Variants in RIT2 observed in about 807,000 individuals in gnomAD.
RIT2 encodes the protein GTP-binding protein Rit2.
Under a neutral mutation model 23.7 loss-of-function variants are expected in RIT2, and 24 were observed. The ratio of observed to expected loss-of-function variants is 1.01; its 90% CI spans 0.73 to 1.43. The LOEUF (loss-of-function observed/expected upper bound fraction) is 1.43, where lower values mean the gene tolerates loss of function less well. Among genes scored for constraint, RIT2 ranks in the 40% most tolerant of loss-of-function variants. The pLI is 0.00. For missense variants in RIT2, 236 were observed against 266.9 expected, an observed-to-expected ratio of 0.88 and a Z score of 0.81; for synonymous variants, 107 against 91.1, an observed-to-expected ratio of 1.17 and a Z score of -0.99.
intron 1 of RIT2, among the ~76,000 whole-genome samples, chr18:43,048,920 G>A (rs913751047): frequency 2.6e-5 from 4 of 152,126 alleles, no homozygotes; most frequent in African/African-American, 4.8e-5. Context: ...TGAATTAGTA[G>A]AGAAGAGAAT....
At chr18:42,933,484 C>T (rs991302540) in intron 3 of RIT2, among the ~76,000 whole-genome samples, 4 of 152,080 alleles carry the variant, frequency 2.6e-5, no homozygotes, top group Non-Finnish European at 5.9e-5. Flanking sequence ...TGGAAGGGAC[C>T]TGGTGAGAGT....
At chr18:42,813,027 T>C (rs1289834152) in intron 4 of RIT2, among the ~76,000 whole-genome samples, 1 of 152,208 alleles carries the variant, frequency 6.6e-6, no homozygotes. Context: ...AAAGTTAGGT[T>C]CATGTTAGTA....
chr18:42,936,537 A>T (rs147662962), intron 3 of RIT2, among the ~76,000 whole-genome samples: 2 of 152,290 alleles, frequency 1.3e-5, no homozygotes, highest in East Asian at 3.9e-4. Flanking sequence ...AAGAAACAGA[A>T]ACATTACACA....
At chr18:43,058,829 C>T (rs1321795217) in intron 1 of RIT2, among the ~76,000 whole-genome samples, 6 of 152,046 alleles carry the variant, frequency 3.9e-5, no homozygotes, top group Admixed American at 3.3e-4. Context: ...GTCGAGACTG[C>T]AGTGAGTTGT....
chr18:43,089,671 G>A (rs941652554), intron 1 of RIT2, among the ~76,000 whole-genome samples: 2 of 151,930 alleles, frequency 1.3e-5, no homozygotes, highest in East Asian at 3.9e-4. Flanking sequence ...AAACAGATTG[G>A]CACTGGTACA....
chr18:42,857,938 T>C (rs937829855), intron 4 of RIT2, among the ~76,000 whole-genome samples: 18 of 152,102 alleles, frequency 1.2e-4, no homozygotes, highest in African/African-American at 4.3e-4. Flanking sequence ...CCCAGCACTT[T>C]GGGAGGCCAA....
chr18:42,913,197 CAA>C (rs200722766), intron 4 of RIT2, among the ~76,000 whole-genome samples: 1 of 103,310 alleles, frequency 9.7e-6, no homozygotes. Context: ...ATCCATCAGC[CAA>C]AAAAAAAAAA....
rs542811839 is a variant in RIT2, at chr18:43,085,246, T to C, written c.103+30171A>G. 1.2e-4 allele frequency among the ~76,000 whole-genome samples: 19 copies of C among 152,238 alleles called. 1 individual carries two copies. Among genetic ancestry groups the C allele is most frequent in the South Asian group, 1.2e-3 (6 of 4,828 alleles). On this transcript the variant is annotated intron_variant, in intron 1 of 4. Transcript: ENST00000326695. ...AATAAATAATAATTGTATATCTTTG[T>C]GGGGTACAATGTGATATTTTTATCT...
intron 4 of RIT2, among the ~76,000 whole-genome samples, chr18:42,824,829 T>C (rs993261223): frequency 3.3e-5 from 5 of 151,746 alleles, no homozygotes; most frequent in African/African-American, 9.6e-5. Flanking sequence ...ATTTTGATAA[T>C]GAAGAAAAAT....
chr18:42,841,651 G>C (rs1906770456), intron 4 of RIT2, among the ~76,000 whole-genome samples: 1 of 152,042 alleles, frequency 6.6e-6, no homozygotes. Context: ...TACTTCCATA[G>C]CTACCATTCA....
chr18:43,097,252 A>T lies in RIT2; in HGVS notation c.103+18165T>A, dbSNP rs917368452. Among the ~76,000 whole-genome samples the T allele has an allele frequency of 3.3e-5, 5 of 152,028 alleles. No homozygotes were observed. The South Asian group carries it at 8.3e-4, about 25-fold the overall frequency. ...AGGTTCCCAGATGCTGTAGCTGCTG[A>T]GGACCAGGGAGCGACAATTTGAGAA... On this transcript the variant is annotated intron_variant, in intron 1 of 4. Coordinates refer to ENST00000326695, the MANE Select transcript of RIT2 (RefSeq NM_002930.4).
chr18:42,965,819 A>C (rs1479764215), intron 3 of RIT2, among the ~76,000 whole-genome samples: 2 of 136,824 alleles, frequency 1.5e-5, no homozygotes, highest in Non-Finnish European at 3.0e-5. Context: ...GTGTCTTTTA[A>C]TTATATCACT....
intron 2 of RIT2, among the ~76,000 whole-genome samples, chr18:43,021,075 A>G (rs1389897262): frequency 1.3e-5 from 2 of 152,148 alleles, no homozygotes; most frequent in Non-Finnish European, 2.9e-5. Context: ...ATGAAGAGAC[A>G]ACCTGTTGAA....
intron 4 of RIT2, among the ~76,000 whole-genome samples, chr18:42,854,691 T>G (rs931276940): frequency 1.3e-5 from 2 of 152,230 alleles, no homozygotes; most frequent in East Asian, 3.8e-4. Flanking sequence ...AAAGTACTTG[T>G]TCTAGAAAAT....
intron 1 of RIT2, among the ~76,000 whole-genome samples, chr18:43,038,097 C>T (rs1009909647): frequency 7.3e-5 from 11 of 150,156 alleles, no homozygotes; most frequent in South Asian, 6.3e-4. Flanking sequence ...CCTAGCTACT[C>T]GGGAGGCTGA....
At chr18:42,991,886 C>A (rs893492189) in intron 2 of RIT2, among the ~76,000 whole-genome samples, 8 of 152,072 alleles carry the variant, frequency 5.3e-5, no homozygotes, top group African/African-American at 1.2e-4. Context: ...AGCCCGCCTG[C>A]GGCCAGGTGA....
chr18:42,851,269 T>C (rs1410659750), intron 4 of RIT2, among the ~76,000 whole-genome samples: 4 of 152,252 alleles, frequency 2.6e-5, no homozygotes, highest in African/African-American at 9.6e-5. Context: ...TCATTTTAAA[T>C]GTAACTTTTC....
At chr18:42,913,110 A>C (rs996808049) in intron 4 of RIT2, among the ~76,000 whole-genome samples, 4 of 151,430 alleles carry the variant, frequency 2.6e-5, no homozygotes, top group African/African-American at 9.7e-5. Context: ...TGCCCAATTA[A>C]TTTTTTATAA....
At chr18:43,093,367 T>C (rs1451025236) in intron 1 of RIT2, among the ~76,000 whole-genome samples, 1 of 152,094 alleles carries the variant, frequency 6.6e-6, no homozygotes, top group Non-Finnish European at 1.5e-5. Context: ...ATTGAGGAGA[T>C]GGAAATGTGC....
Sources: gnomAD v4.1 joint callset for allele counts (sites outside exome capture counted in the v4.1 genomes callset) on GRCh38, gnomAD v4.1.1 for gene constraint, MANE v1.5 for transcripts, NCBI Gene and HGNC (gene_info 2026-07-23, HGNC 2026-07-21) for gene names.